RBM17: variants seen among roughly 807,000 people sequenced by gnomAD.
The protein encoded by RBM17 is splicing factor 45.
A neutral mutation model predicts 53.2 loss-of-function variants in RBM17; 7 were observed. The observed-to-expected ratio is 0.13, with a 90% CI of 0.07 to 0.25. The LOEUF (loss-of-function observed/expected upper bound fraction) is 0.25. Ranked by LOEUF, RBM17 falls within the 10% of genes least tolerant of loss-of-function variation. The pLI, the probability that RBM17 is intolerant of heterozygous loss-of-function variation, is 1.00. For missense variants in RBM17, 257 were observed against 496.7 expected (o/e 0.52, Z 4.59); for synonymous variants, 167 against 178.1 (o/e 0.94, Z 0.50).
intron 3 of RBM17, 96 bp from the exon 4 acceptor site, chr10:6,104,835 A>G (rs1840723364): frequency 7.0e-6 from 7 of 1,004,346 alleles, no homozygotes; most frequent in Non-Finnish European, 1.0e-5. Context: ...GATGATGTTC[A>G]GAGTCCTTTT....
chr10:6,106,120 T>G, intron 4 of RBM17, 21 bp from the exon 5 acceptor site: 3 of 1,582,294 alleles, frequency 1.9e-6, no homozygotes, highest in Non-Finnish European at 2.6e-6. Context: ...TGATGAACAT[T>G]TATTTCCTTT....
chr10:6,098,530 T>G (rs1840612775), intron 2 of RBM17, among the ~76,000 whole-genome samples: 3 of 150,782 alleles, frequency 2.0e-5, no homozygotes, highest in Admixed American at 6.7e-5. Context: ...TCTAATTTCA[T>G]GTTTGAAAAT....
intron 1 of RBM17, among the ~76,000 whole-genome samples, chr10:6,091,734 T>C (rs1306236972): frequency 6.6e-6 from 1 of 152,088 alleles, no homozygotes; most frequent in African/African-American, 2.4e-5. Flanking sequence ...AAGCTGAACA[T>C]AAGAAACACC....
intron 5 of RBM17, among the ~76,000 whole-genome samples, chr10:6,107,479 C>CTTT (rs71390124): frequency 0.044 from 2,498 of 56,472 alleles, 211 homozygotes; most frequent in South Asian, 0.13. Context: ...CACCCGGCCT[C>CTTT]TTTTTTTTTT....
rs111632675 is a variant in RBM17 at position 6,092,189 on chromosome 10, T to G, written c.-19+2996T>G. ...ATTTGTATTTACTTTTGATCCTGGC[T>G]TCTTATGGTATATCCAGTTGTTACA... On this transcript the variant is annotated intron_variant, in intron 1 of 11. Transcript: ENST00000379888. Among the ~76,000 whole-genome samples the G allele has an allele frequency of 5.6e-3, 855 of 152,364 alleles. 1 individual carries two copies. Among genetic ancestry groups the G allele is most frequent in the Middle Eastern group, 0.01 (3 of 294 alleles).
chr10:6,099,192 G>C (rs888243140), intron 2 of RBM17, among the ~76,000 whole-genome samples: 1 of 151,876 alleles, frequency 6.6e-6, no homozygotes, highest in Admixed American at 6.6e-5. Flanking sequence ...GCCTCATATA[G>C]ATTTTTAAAA....
At chr10:6,090,977 T>G (rs1184835946) in intron 1 of RBM17, among the ~76,000 whole-genome samples, 3 of 147,344 alleles carry the variant, frequency 2.0e-5, no homozygotes, top group Non-Finnish European at 3.0e-5. Context: ...TTTCTGGGTA[T>G]ATTTGCCATA....
At chr10:6,111,382 C>T (rs967429555) in intron 7 of RBM17, among the ~76,000 whole-genome samples, 1 of 152,250 alleles carries the variant, frequency 6.6e-6, no homozygotes, top group Non-Finnish European at 1.5e-5. Flanking sequence ...CTCTGTCGCC[C>T]AGGCTGGAGT....
rs1233238047 is a variant in RBM17 at position 6,106,190 on chromosome 10, C to G, written c.457C>G (p.Pro153Ala). Residue 153 changes from proline (P) to alanine (A), a missense_variant, in exon 5 of 12, where the codon CCA becomes GCA. By Grantham distance (27) the Pro-to-Ala change is conservative. Around this residue, in one of 6 missense-constraint regions of RBM17, gnomAD observed 127 missense variants for 217.2 expected, o/e 0.58. Coordinates refer to ENST00000379888, the MANE Select transcript of RBM17 (RefSeq NM_032905.5). ...AAGTGGGTTTGCAAGGAGACCAGAT[C>G]CAGATTCTGATGAAGATGAAGATTA... ...EASGFARRPD[P>A]DSDEDEDYER... The G allele has an allele frequency of 6.2e-7, 1 of 1,613,560 alleles. No individual in the cohort carries two copies.
intron 4 of RBM17, among the ~76,000 whole-genome samples, 167 bp from the exon 5 acceptor site, chr10:6,105,974 C>A (rs969754976): frequency 2.0e-5 from 3 of 152,034 alleles, no homozygotes; most frequent in African/African-American, 7.2e-5. Flanking sequence ...ATACTTTTAT[C>A]TACTTTAGTC....
chr10:6,098,570 T>TTTTTTG (rs1564566269), intron 2 of RBM17, among the ~76,000 whole-genome samples: 2 of 87,686 alleles, frequency 2.3e-5, no homozygotes, highest in African/African-American at 1.1e-4. Flanking sequence ...TTTGTTTTTT[T>TTTTTTG]TTTTTTTTTT....
At chr10:6,093,465 C>T (rs867699452) in intron 1 of RBM17, among the ~76,000 whole-genome samples, 10 of 152,174 alleles carry the variant, frequency 6.6e-5, no homozygotes, top group Admixed American at 1.3e-4. Flanking sequence ...GTGATCCGCC[C>T]GCCTCGGTCT....
intron 2 of RBM17, among the ~76,000 whole-genome samples, chr10:6,097,980 G>C (rs1840601525): frequency 6.6e-6 from 1 of 152,202 alleles, no homozygotes; most frequent in Admixed American, 6.5e-5. Flanking sequence ...GAAGGCGTCA[G>C]GCATAGGTAG....
intron 4 of RBM17, 136 bp downstream of exon 4, chr10:6,105,233 A>G (rs1188759025): frequency 2.6e-6 from 2 of 767,408 alleles, no homozygotes; most frequent in Non-Finnish European, 2.1e-6. Flanking sequence ...CAAGGAATCA[A>G]ACTGTTTTAC....
Position 6,098,563 on chromosome 10 carries a change from G to GTTTTTTTTTTTTTTTT in RBM17, c.123+1390_123+1405dup, listed in dbSNP as rs398012715. On this transcript the variant is annotated intron_variant, in intron 2 of 11. Coordinates refer to ENST00000379888, the MANE Select transcript of RBM17 (RefSeq NM_032905.5). ...AATTTCCGTAATACACAGGTTTTTT[G>GTTTTTTTTTTTTTTTT]TTTTTTTTTTTTTTTTTTTTTTTTT... 3.2e-4 allele frequency among the ~76,000 whole-genome samples: 15 copies of GTTTTTTTTTTTTTTTT among 46,662 alleles called. 2 individuals are homozygous for GTTTTTTTTTTTTTTTT. Among genetic ancestry groups the GTTTTTTTTTTTTTTTT allele is most frequent in the African/African-American group, 9.5e-4 (12 of 12,580 alleles). The allele number at this position is 46,662 out of a possible 152,430, so 30.6% of individuals were successfully genotyped here.
intron 5 of RBM17, chr10:6,108,388 G>T: frequency 2.4e-6 from 1 of 412,050 alleles, no homozygotes; most frequent in Non-Finnish European, 4.3e-6. Context: ...GTAACTGCTG[G>T]TTCTCTTGGT....
rs79233663 is a variant in RBM17, at chr10:6,094,612, G to A, written c.-18-2436G>A. Among the ~76,000 whole-genome samples the A allele has an allele frequency of 7.1e-3, 1,084 of 152,332 alleles. 16 individuals are homozygous for A. Among genetic ancestry groups the A allele is most frequent in the African/African-American group, 0.025 (1,039 of 41,564 alleles). On this transcript the variant is annotated intron_variant, in intron 1 of 11. Transcript: ENST00000379888. ...AGATGAAAGGTGCATGGTCATTTCT[G>A]AAGAAATGTGTTTGGGAGCCACAGT...
intron 1 of RBM17, among the ~76,000 whole-genome samples, chr10:6,093,938 T>C (rs916873684): frequency 2.0e-5 from 3 of 152,014 alleles, no homozygotes; most frequent in East Asian, 1.9e-4. Flanking sequence ...TGTTTTTGAC[T>C]GTGACCCATC....
Position 6,112,460 on chromosome 10 carries a change from T to A in RBM17, c.856+99T>A. ...TCCTCATGTGTCAGCAGGGGGACAA[T>A]GAGGCGTGTGGCCAGAGGGAGAGGG... On this transcript the variant is annotated intron_variant, in intron 8 of 11. Coordinates refer to ENST00000379888, the MANE Select transcript of RBM17 (RefSeq NM_032905.5). The surrounding 1 kb of genome is among the most constrained non-coding windows in gnomAD (Gnocchi z 4.4). 1.4e-6 allele frequency: 2 copies of A among 1,432,946 alleles called. No individual in the cohort carries two copies. The highest frequency in any genetic ancestry group is 1.9e-6 in the Non-Finnish European group (2 of 1,033,068). The allele number at this position is 1,432,946 out of a possible 1,614,324, so 88.8% of individuals were successfully genotyped here.
Sources: gnomAD v4.1 joint callset for allele counts (sites outside exome capture counted in the v4.1 genomes callset) on GRCh38, gnomAD v4.1.1 for gene constraint, gnomAD v4.1.1 regional missense constraint, Gnocchi (gnomAD v3.1) non-coding constraint, MANE v1.5 for transcripts, NCBI Gene and HGNC (gene_info 2026-07-23, HGNC 2026-07-21) for gene names.